The following FOXN3 variants were observed in gnomAD, a reference collection of about 807,000 sequenced individuals.
The protein encoded by FOXN3 is forkhead box N3, also known as forkhead box protein N3.
A neutral mutation model predicts 38.4 loss-of-function variants in FOXN3; 7 were observed. That is an observed-to-expected ratio of 0.18 (90% CI 0.10 to 0.34). The LOEUF is 0.34. Among genes scored for constraint, FOXN3 ranks in the 10% least tolerant of loss-of-function variants. FOXN3 has a pLI of 1.00. For missense variants in FOXN3, 456 were observed against 613.4 expected, an observed-to-expected ratio of 0.74 and a Z score of 2.71; for synonymous variants, 230 against 242.2, an observed-to-expected ratio of 0.95 and a Z score of 0.47.
At chr14:89,501,564 G>GA (rs1893800611) in intron 1 of FOXN3, among the ~76,000 whole-genome samples, 1 of 152,068 alleles carries the variant, frequency 6.6e-6, no homozygotes, top group South Asian at 2.1e-4. Flanking sequence ...CATTTTAAAG[G>GA]AAAAATCCAG....
At chr14:89,585,981 G>A (rs914302704) in intron 1 of FOXN3, among the ~76,000 whole-genome samples, 3 of 152,222 alleles carry the variant, frequency 2.0e-5, no homozygotes, top group East Asian at 1.9e-4. Context: ...ACATTCAAGC[G>A]AAAGCTTGAG....
At chr14:89,310,823 T>C (rs1181698888) in intron 3 of FOXN3, among the ~76,000 whole-genome samples, 1 of 152,092 alleles carries the variant, frequency 6.6e-6, no homozygotes, top group Non-Finnish European at 1.5e-5. Context: ...CTTATATCTT[T>C]TGGCCAGGCA....
At chr14:89,312,990 C>T (rs1389534435) in intron 3 of FOXN3, among the ~76,000 whole-genome samples, 1 of 152,194 alleles carries the variant, frequency 6.6e-6, no homozygotes, top group Non-Finnish European at 1.5e-5. Context: ...TACAAAAGCC[C>T]TGTCGCTTTG....
chr14:89,520,615 C>T (rs944345989), intron 1 of FOXN3, among the ~76,000 whole-genome samples: 1 of 152,178 alleles, frequency 6.6e-6, no homozygotes, highest in Non-Finnish European at 1.5e-5. Context: ...TATTTACCTG[C>T]TGCTCATTGC....
intron 1 of FOXN3, among the ~76,000 whole-genome samples, chr14:89,506,468 C>A (rs1893940295): frequency 6.9e-6 from 1 of 144,658 alleles, no homozygotes; most frequent in African/African-American, 2.6e-5. Flanking sequence ...GGTCAGCCCC[C>A]CACCCGGCCA....
Position 89,579,091 on chromosome 14 carries a change from C to T in FOXN3, c.-15+39937G>A, listed in dbSNP as rs1895692284. ...TCTCAAACTCTTGGCCTCAAGTGAT[C>T]CTCCCATCTCGGCCTCCCAAAGTGC... On this transcript the variant is annotated intron_variant, in intron 1 of 6. Coordinates refer to the FOXN3 transcript ENST00000345097. 2.6e-5 allele frequency among the ~76,000 whole-genome samples: 4 copies of T among 151,780 alleles called. No homozygotes were observed. The South Asian group carries it at 6.2e-4, about 24-fold the overall frequency.
Position 89,509,627 on chromosome 14 carries a change from G to A in FOXN3, c.-14-97137C>T, listed in dbSNP as rs141459762. Among the ~76,000 whole-genome samples, 473 of 152,300 alleles carry A rather than the reference G, an allele frequency of 3.1e-3. 8 individuals are homozygous for A. The highest frequency in any genetic ancestry group is 0.011 in the African/African-American group (442 of 41,562). The stretch of plus-strand genomic sequence containing the variant: ...TGGGATTACAGGCATGATCCACCAC[G>A]CCCAGCATTGTCCATCTCCCCACTA... On this transcript the variant is annotated intron_variant, in intron 1 of 6. Coordinates refer to the FOXN3 transcript ENST00000345097.
At chr14:89,448,066 C>A (rs920494970) in intron 1 of FOXN3, among the ~76,000 whole-genome samples, 1 of 152,066 alleles carries the variant, frequency 6.6e-6, no homozygotes, top group East Asian at 1.9e-4. Context: ...CCCGCCTCGG[C>A]CTCCCAAAGT....
intron 1 of FOXN3, among the ~76,000 whole-genome samples, chr14:89,552,806 C>T (rs1026956928): frequency 4.6e-5 from 7 of 151,990 alleles, no homozygotes; most frequent in East Asian, 1.9e-4. Context: ...TCACACTGGG[C>T]GGAGGCTGCA....
Position 89,415,847 on chromosome 14 carries a change from TACACACACAC to T in FOXN3, c.-15+1014_-15+1023del, listed in dbSNP as rs5810462. Among the ~76,000 whole-genome samples the T allele has an allele frequency of 2.6e-3, 365 of 140,496 alleles. 1 individual carries two copies. The highest frequency in any genetic ancestry group is 6.5e-3 in the African/African-American group (237 of 36,442). The allele number at this position is 140,496 out of a possible 152,430, so 92.2% of individuals were successfully genotyped here. A position where few individuals can be genotyped will look rare whatever the true frequency, so the allele number is the denominator to read the frequency against. On this transcript the variant is annotated intron_variant, in intron 1 of 5. Coordinates refer to ENST00000557258, the MANE Select transcript of FOXN3 (RefSeq NM_005197.4). The stretch of plus-strand genomic sequence containing the variant: ...TGGTGACCTCCTTACAACTTTTCTC[TACACACACAC>T]ACACACACACACACACACACACACA...
intron 1 of FOXN3, among the ~76,000 whole-genome samples, chr14:89,536,099 G>C (rs1894679935): frequency 6.6e-6 from 1 of 152,182 alleles, no homozygotes; most frequent in South Asian, 2.1e-4. Flanking sequence ...GGTCACTGGA[G>C]GCAAAATAAA....
At chr14:89,551,777 C>A (rs962630706) in intron 1 of FOXN3, among the ~76,000 whole-genome samples, 1 of 152,152 alleles carries the variant, frequency 6.6e-6, no homozygotes, top group East Asian at 1.9e-4. Flanking sequence ...CCACCCCTAC[C>A]GTTCCTCTTT....
chr14:89,235,980 C>A (rs1416575252), intron 4 of FOXN3, among the ~76,000 whole-genome samples: 1 of 152,168 alleles, frequency 6.6e-6, no homozygotes, highest in Non-Finnish European at 1.5e-5. Context: ...GAAGCCCAGG[C>A]AGGTTAAGGA....
rs1312830666 is a variant in FOXN3, at chr14:89,614,862, C to CA, written c.-15+4165dup. ...TTGCAAGAAATGGTTCCGTCTCCCT[C>CA]AGGCACTCTTAACCTCCCTCACCAG... On this transcript the variant is annotated intron_variant, in intron 1 of 6. Coordinates refer to the FOXN3 transcript ENST00000345097. Among the ~76,000 whole-genome samples, 12 of 152,332 alleles carry CA rather than the reference C, an allele frequency of 7.9e-5. No individual in the cohort carries two copies. In the East Asian group the frequency reaches 2.3e-3, roughly 29 times the overall value.
At chr14:89,416,396 C>T (rs945515614) in intron 1 of FOXN3, among the ~76,000 whole-genome samples, 2 of 152,212 alleles carry the variant, frequency 1.3e-5, no homozygotes, top group African/African-American at 4.8e-5. Context: ...CCAACTTATC[C>T]AGGGCCCAAG....
chr14:89,575,544 T>G (rs964205536), intron 1 of FOXN3, among the ~76,000 whole-genome samples: 2 of 152,158 alleles, frequency 1.3e-5, no homozygotes, highest in African/African-American at 4.8e-5. Flanking sequence ...AACTCATTGT[T>G]ATAGCCAAAC....
intron 1 of FOXN3, among the ~76,000 whole-genome samples, chr14:89,469,336 A>C (rs1893045506): frequency 6.6e-6 from 1 of 152,192 alleles, no homozygotes; most frequent in Non-Finnish European, 1.5e-5. Flanking sequence ...GGTTAGGGTG[A>C]CCAGCAATCC....
intron 1 of FOXN3, among the ~76,000 whole-genome samples, chr14:89,560,975 A>G (rs888743502): frequency 2.6e-5 from 4 of 152,218 alleles, no homozygotes; most frequent in African/African-American, 7.2e-5. Flanking sequence ...GGACACTGGC[A>G]ATCAAGAACA....
chr14:89,612,906 T>C (rs1896420855), intron 1 of FOXN3, among the ~76,000 whole-genome samples: 1 of 150,922 alleles, frequency 6.6e-6, no homozygotes, highest in African/African-American at 2.4e-5. Flanking sequence ...GATCATGAGG[T>C]CAGCAGTTTC....
Sources: gnomAD v4.1 joint callset for allele counts (sites outside exome capture counted in the v4.1 genomes callset) on GRCh38, gnomAD v4.1.1 for gene constraint, MANE v1.5 for transcripts, NCBI Gene and HGNC (gene_info 2026-07-23, HGNC 2026-07-21) for gene names.